NRG1: variants seen among roughly 807,000 people sequenced by gnomAD.
NRG1 encodes the protein neuregulin 1, also known as pro-neuregulin-1, membrane-bound isoform.
NRG1 carries 18 observed loss-of-function variants against 63.8 expected under a neutral mutation model. The observed-to-expected ratio is 0.28, with a 90% CI of 0.19 to 0.42. The LOEUF (loss-of-function observed/expected upper bound fraction) is 0.42, where lower values mean the gene tolerates loss of function less well. Among genes scored for constraint, NRG1 ranks in the 10% least tolerant of loss-of-function variants. The pLI, the probability that NRG1 is intolerant of heterozygous loss-of-function variation, is 1.00. For synonymous variants in NRG1, 302 were observed against 301.3 expected (o/e 1.00, Z -0.02); for missense variants, 762 against 814.7 (o/e 0.94, Z 0.79).
intron 1 of NRG1, among the ~76,000 whole-genome samples, chr8:31,964,751 G>A (rs1806039944): frequency 6.6e-6 from 1 of 152,156 alleles, no homozygotes; most frequent in Non-Finnish European, 1.5e-5. Context: ...ACTTGACAGA[G>A]AGAATTTTAT....
chr8:32,604,204 A>G (rs898419365), intron 2 of NRG1, among the ~76,000 whole-genome samples: 3 of 152,112 alleles, frequency 2.0e-5, no homozygotes, highest in African/African-American at 7.2e-5. Context: ...CTGGAAGGTC[A>G]GCTGAGATTT....
chr8:31,708,373 A>T (rs575897599), intron 1 of NRG1, among the ~76,000 whole-genome samples: 1 of 152,214 alleles, frequency 6.6e-6, no homozygotes, highest in Admixed American at 6.5e-5. Flanking sequence ...TCCCAGAATC[A>T]CTTCGTGGAA....
At chr8:32,234,845 G>A (rs77290843) in intron 1 of NRG1, among the ~76,000 whole-genome samples, 22 of 152,028 alleles carry the variant, frequency 1.4e-4, no homozygotes, top group East Asian at 3.9e-4. Context: ...ATTAATTCTC[G>A]CTCATAGAAA....
At chr8:32,185,130 G>A (rs1005777570) in intron 1 of NRG1, among the ~76,000 whole-genome samples, 1 of 152,078 alleles carries the variant, frequency 6.6e-6, no homozygotes, top group African/African-American at 2.4e-5. Flanking sequence ...ACTCCCGTGG[G>A]TGCTCATGCA....
intron 1 of NRG1, among the ~76,000 whole-genome samples, chr8:32,365,434 G>A (rs1424999631): frequency 6.6e-6 from 1 of 150,962 alleles, no homozygotes; most frequent in Non-Finnish European, 1.5e-5. Context: ...TTCACATATG[G>A]CCTCTCTCAC....
intron 1 of NRG1, among the ~76,000 whole-genome samples, chr8:31,673,068 C>G (rs916046457): frequency 6.6e-5 from 10 of 151,630 alleles, no homozygotes; most frequent in African/African-American, 2.4e-4. Context: ...AGATGATCAT[C>G]AAAATTCCTT....
chr8:32,526,496 G>A (rs748192198), intron 1 of NRG1, among the ~76,000 whole-genome samples: 1 of 152,188 alleles, frequency 6.6e-6, no homozygotes, highest in Non-Finnish European at 1.5e-5. Context: ...CATACTCAAA[G>A]TGAGGAGATT....
intron 5 of NRG1, among the ~76,000 whole-genome samples, chr8:32,632,845 C>T (rs1850580453): frequency 6.6e-6 from 1 of 152,196 alleles, no homozygotes; most frequent in Non-Finnish European, 1.5e-5. Flanking sequence ...AAAACTCATT[C>T]TCATCCTTGT....
chr8:32,414,351 G>A (rs1402081968), intron 1 of NRG1, among the ~76,000 whole-genome samples: 1 of 152,128 alleles, frequency 6.6e-6, no homozygotes, highest in Non-Finnish European at 1.5e-5. Context: ...TTCAAACTAG[G>A]AATGAGATAT....
At chr8:31,828,473 T>A in intron 1 of NRG1, among the ~76,000 whole-genome samples, 1 of 152,164 alleles carries the variant, frequency 6.6e-6, no homozygotes, top group Non-Finnish European at 1.5e-5. Flanking sequence ...TGGGCACAGA[T>A]CTTCCTTTCA....
chr8:32,557,615 C>A (rs914917501), intron 1 of NRG1, among the ~76,000 whole-genome samples: 1 of 151,960 alleles, frequency 6.6e-6, no homozygotes, highest in Admixed American at 6.6e-5. Flanking sequence ...TATATTGTCC[C>A]CAGAAGGATT....
At chr8:31,882,994 T>A (rs1305241321) in intron 1 of NRG1, among the ~76,000 whole-genome samples, 1 of 152,032 alleles carries the variant, frequency 6.6e-6, no homozygotes, top group Non-Finnish European at 1.5e-5. Flanking sequence ...AGCAACAGGG[T>A]TTGAAAGGAT....
intron 1 of NRG1, among the ~76,000 whole-genome samples, chr8:31,775,720 A>G (rs1199449580): frequency 1.3e-5 from 2 of 151,810 alleles, no homozygotes; most frequent in Non-Finnish European, 2.9e-5. Flanking sequence ...CGTCTCTACT[A>G]AAAATACAAA....
intron 1 of NRG1, among the ~76,000 whole-genome samples, chr8:32,321,116 G>C (rs1335232765): frequency 6.6e-6 from 1 of 151,962 alleles, no homozygotes; most frequent in Admixed American, 6.6e-5. Flanking sequence ...CAATACTTAA[G>C]ATACCATGAA....
At chr8:31,900,300 G>A (rs1831964602) in intron 1 of NRG1, among the ~76,000 whole-genome samples, 1 of 152,114 alleles carries the variant, frequency 6.6e-6, no homozygotes, top group African/African-American at 2.4e-5. Flanking sequence ...AGATATCTGT[G>A]TCTGTAAAAC....
exon 12 of NRG1, chr8:32,764,357 C>A: frequency 6.2e-7 from 1 of 1,611,756 alleles, no homozygotes; most frequent in South Asian, 1.1e-5. Flanking sequence ...AAATCCAGGC[C>A]AGGCTGTCTA....
chr8:31,877,541 A>G (rs1439235658), intron 1 of NRG1, among the ~76,000 whole-genome samples: 2 of 152,040 alleles, frequency 1.3e-5, no homozygotes, highest in African/African-American at 4.8e-5. Flanking sequence ...AAGTATATTT[A>G]CATATATATT....
chr8:32,648,221 A>G (rs1216615632), intron 5 of NRG1: 10 of 1,614,090 alleles, frequency 6.2e-6, no homozygotes. Context: ...CCTTTGAACC[A>G]TCAGCGGCAC....
intron 1 of NRG1, among the ~76,000 whole-genome samples, chr8:32,365,162 A>T (rs1160727338): frequency 6.6e-6 from 1 of 152,040 alleles, no homozygotes; most frequent in Non-Finnish European, 1.5e-5. Flanking sequence ...TGCTGGAATT[A>T]CAGGCGAGAG....
Sources: gnomAD v4.1 joint callset for allele counts (sites outside exome capture counted in the v4.1 genomes callset) on GRCh38, gnomAD v4.1.1 for gene constraint, MANE v1.5 for transcripts, NCBI Gene and HGNC (gene_info 2026-07-23, HGNC 2026-07-21) for gene names.